Variants in PFKFB3 observed in about 807,000 individuals in gnomAD.
The protein encoded by PFKFB3 is 6-phosphofructo-2-kinase/fructose-2,6-biphosphatase 3, also known as 6-phosphofructo-2-kinase/fructose-2,6-bisphosphatase 3.
In PFKFB3, 33 loss-of-function variants were observed where a neutral mutation model predicts 68.0. The ratio of observed to expected loss-of-function variants is 0.49; its 90% CI spans 0.37 to 0.65. The LOEUF is 0.65. Ranked by LOEUF, PFKFB3 falls within the 30% of genes least tolerant of loss-of-function variation. The pLI, the probability that PFKFB3 is intolerant of heterozygous loss-of-function variation, is 0.00. For missense variants in PFKFB3, 586 were observed against 712.2 expected (o/e 0.82, Z 2.02); for synonymous variants, 315 against 288.2 (o/e 1.09, Z -0.94).
chr10:6,225,365 C>T (rs11593269), intron 13 of PFKFB3: 79,606 of 376,750 alleles, frequency 0.21, 9,486 homozygotes, highest in Middle Eastern at 0.31. Context: ...AGGCTGGGGT[C>T]CCTTGGCCGC....
At chr10:6,307,293 C>T in the PFKFB3 span, among the ~76,000 whole-genome samples, 4 of 151,278 alleles carry the variant, frequency 2.6e-5, no homozygotes, top group Non-Finnish European at 4.4e-5. Flanking sequence ...CACACACACA[C>T]ATGCATGCAT....
intron 14 of PFKFB3, among the ~76,000 whole-genome samples, chr10:6,227,893 G>C (rs902520544): frequency 2.0e-5 from 3 of 152,180 alleles, no homozygotes; most frequent in Non-Finnish European, 4.4e-5. Context: ...TGATGGAAAT[G>C]TGCAGTTGTA....
intron 1 of PFKFB3, among the ~76,000 whole-genome samples, chr10:6,178,514 G>T (rs1842599713): frequency 6.6e-6 from 1 of 152,052 alleles, no homozygotes; most frequent in South Asian, 2.1e-4. Context: ...AGGGGACTTG[G>T]GTCAGGGTCA....
chr10:6,246,968 G>A (rs1449214702), intron 14 of PFKFB3, among the ~76,000 whole-genome samples: 2 of 152,188 alleles, frequency 1.3e-5, no homozygotes, highest in Admixed American at 6.5e-5. Flanking sequence ...CTGGTGCGGC[G>A]CCCTTGCCCT....
the PFKFB3 span, among the ~76,000 whole-genome samples, chr10:6,306,318 C>G: frequency 0.064 from 9,768 of 152,294 alleles, 933 homozygotes; most frequent in East Asian, 0.4. Context: ...AGCAGAAACT[C>G]AGGATGCAAG....
At chr10:6,280,296 C>T in the PFKFB3 span, among the ~76,000 whole-genome samples, 2,609 of 152,318 alleles carry the variant, frequency 0.017, 41 homozygotes, top group Middle Eastern at 0.048. Flanking sequence ...GTAGACCATC[C>T]GTCTTCCTCC....
chr10:6,231,643 G>T (rs951864065), intron 14 of PFKFB3: 22 of 952,456 alleles, frequency 2.3e-5, no homozygotes, highest in Non-Finnish European at 2.6e-5. Flanking sequence ...GGAAATGTCA[G>T]CCCTGCTCTG....
chr10:6,282,549 A>G, the PFKFB3 span, among the ~76,000 whole-genome samples: 1 of 152,230 alleles, frequency 6.6e-6, no homozygotes, highest in Admixed American at 6.5e-5. Flanking sequence ...TAGCCCTACC[A>G]TCCAATGGGC....
the PFKFB3 span, among the ~76,000 whole-genome samples, chr10:6,283,336 G>A: frequency 2.0e-5 from 3 of 152,154 alleles, no homozygotes; most frequent in Non-Finnish European, 2.9e-5. Context: ...GGGGGCAGGT[G>A]GGTAGAACAT....
chr10:6,290,157 C>A, the PFKFB3 span, among the ~76,000 whole-genome samples: 1 of 152,072 alleles, frequency 6.6e-6, no homozygotes, highest in African/African-American at 2.4e-5. Flanking sequence ...CAAACAGGGA[C>A]AATTTGACTT....
At chr10:6,231,726 C>G in intron 14 of PFKFB3, 13 of 299,828 alleles carry the variant, frequency 4.3e-5, no homozygotes, top group Non-Finnish European at 6.4e-5. Context: ...TTGCCCCCTC[C>G]CAGTGGGCAC....
chr10:6,231,311 G>A, intron 14 of PFKFB3: 2 of 1,612,414 alleles, frequency 1.2e-6, no homozygotes, highest in Non-Finnish European at 1.7e-6. Context: ...ACTAACTGTG[G>A]AAGGTAAATG....
At chr10:6,237,935 T>C (rs554419081), downstream of PFKFB3, among the ~76,000 whole-genome samples, 3 of 152,264 alleles carry the variant, frequency 2.0e-5, no homozygotes, top group South Asian at 6.2e-4. Flanking sequence ...TTGGATTCAG[T>C]TGTTCTCGGT....
At chr10:6,177,319 A>G (rs1405035122) in intron 1 of PFKFB3, among the ~76,000 whole-genome samples, 5 of 149,218 alleles carry the variant, frequency 3.4e-5, no homozygotes, top group Non-Finnish European at 7.5e-5. Context: ...GTAGAGGTCA[A>G]TAAAACGGAG....
In PFKFB3 at chr10:6,221,627, C is replaced by G. The variant is rs748347941; in HGVS notation, c.979-14C>G. 16 of 1,609,854 alleles carry G rather than the reference C, an allele frequency of 9.9e-6. No individual in the cohort carries two copies. In the South Asian group the frequency reaches 1.8e-4, roughly 18 times the overall value. On this transcript the variant is annotated splice_polypyrimidine_tract_variant and intron_variant, in intron 9 of 14. Coordinates refer to ENST00000379775, the MANE Select transcript of PFKFB3 (RefSeq NM_004566.4). The stretch of plus-strand genomic sequence containing the variant: ...TGTGGTTTGTTCCCCTGAGTGACCA[C>G]TGGGTCCCCGCAGGGCGTCTGTGAG...
intron 1 of PFKFB3, among the ~76,000 whole-genome samples, chr10:6,190,621 G>GT (rs1441140912): frequency 2.6e-5 from 4 of 152,118 alleles, no homozygotes; most frequent in Non-Finnish European, 4.4e-5. Context: ...GGGCAACATC[G>GT]TGAGACCCCA....
chr10:6,301,723 T>C, the PFKFB3 span, among the ~76,000 whole-genome samples: 2 of 152,242 alleles, frequency 1.3e-5, no homozygotes, highest in Non-Finnish European at 2.9e-5. Flanking sequence ...CCAAGTGTGA[T>C]GGAGGCAAGT....
chr10:6,201,475 G>T (rs1588461684), upstream of PFKFB3, among the ~76,000 whole-genome samples: 1 of 148,402 alleles, frequency 6.7e-6, no homozygotes, highest in Non-Finnish European at 1.5e-5. This position sits in a 1 kb window ranked among gnomAD's most constrained non-coding sequence, Gnocchi z 4.1. Flanking sequence ...GTCGAGGCGT[G>T]GGGGAGGGTG....
rs116130252 is a variant in PFKFB3, at chr10:6,179,238, G to A, written c.16+34225G>A. ...GTCACACAGCGTGTGAGTCGGGAAG[G>A]AAGGGGCAGCTGGAATTTGAACCTG... On this transcript the variant is annotated intron_variant, in intron 1 of 14. Transcript: ENST00000379789. 5.3e-3 allele frequency among the ~76,000 whole-genome samples: 810 copies of A among 152,360 alleles called. 6 individuals are homozygous for A. The highest frequency in any genetic ancestry group is 7.4e-3 in the Non-Finnish European group (505 of 68,036).
Sources: allele counts gnomAD v4.1 joint callset (sites outside exome capture counted in the v4.1 genomes callset), GRCh38; gene constraint gnomAD v4.1.1; non-coding constraint Gnocchi (gnomAD v3.1); transcripts MANE v1.5; gene names NCBI Gene and HGNC (gene_info 2026-07-23, HGNC 2026-07-21).